Variants in SNAP91 observed in about 807,000 individuals in gnomAD.
SNAP91 encodes the protein synaptosome associated protein 91, also known as clathrin coat assembly protein AP180.
SNAP91 carries 27 observed loss-of-function variants against 100.3 expected under a neutral mutation model. The ratio of observed to expected loss-of-function variants is 0.27; its 90% CI spans 0.20 to 0.37. The LOEUF is 0.37. SNAP91 is among the 10% of genes least tolerant of loss of function. SNAP91 has a pLI of 1.00. For missense variants in SNAP91, 986 were observed against 1,123.7 expected (o/e 0.88, Z 1.75); for synonymous variants, 404 against 398.6 (o/e 1.01, Z -0.16).
At chr6:83,561,839 A>G (rs1192314019) in intron 26 of SNAP91, among the ~76,000 whole-genome samples, 1 of 152,184 alleles carries the variant, frequency 6.6e-6, no homozygotes, top group Admixed American at 6.6e-5. Context: ...CAACATAGCA[A>G]GAACCCATCT....
chr6:83,614,977 C>T, intron 10 of SNAP91, 115 bp from the exon 11 acceptor site: 1 of 753,432 alleles, frequency 1.3e-6, no homozygotes, highest in African/African-American at 1.8e-5. Context: ...TGGTTTTAGC[C>T]AATTCAGAAG....
At chr6:83,699,531 G>T (rs941282746) in intron 2 of SNAP91, among the ~76,000 whole-genome samples, 2 of 152,142 alleles carry the variant, frequency 1.3e-5, no homozygotes, top group Admixed American at 6.5e-5. Flanking sequence ...GGTATATTTA[G>T]ATTTATACGG....
At chr6:83,669,383 C>T (rs2098743424) in intron 2 of SNAP91, among the ~76,000 whole-genome samples, 1 of 151,934 alleles carries the variant, frequency 6.6e-6, no homozygotes, top group African/African-American at 2.4e-5. Flanking sequence ...ATTGTGAGAT[C>T]TAAATGCTAT....
intron 9 of SNAP91, among the ~76,000 whole-genome samples, chr6:83,620,970 T>C (rs2096699950): frequency 6.6e-6 from 1 of 152,034 alleles, no homozygotes; most frequent in Non-Finnish European, 1.5e-5. Flanking sequence ...CCCAAAGTGC[T>C]GGGATTACAG....
intron 22 of SNAP91, among the ~76,000 whole-genome samples, chr6:83,584,502 T>C (rs1359861754): frequency 2.0e-5 from 3 of 151,860 alleles, no homozygotes; most frequent in African/African-American, 7.3e-5. Flanking sequence ...ATAAAGCTGT[T>C]CACTGAAAAA....
chr6:83,628,649 G>A (rs899359642), intron 8 of SNAP91, among the ~76,000 whole-genome samples: 18 of 151,630 alleles, frequency 1.2e-4, no homozygotes, highest in African/African-American at 4.4e-4. Flanking sequence ...TCTTATGTCT[G>A]TTGGCCATTT....
chr6:83,680,595 C>T (rs1052164431), intron 2 of SNAP91, among the ~76,000 whole-genome samples: 4 of 152,056 alleles, frequency 2.6e-5, no homozygotes, highest in African/African-American at 9.7e-5. Flanking sequence ...ATTTTGCATA[C>T]CACTAAAAAG....
rs1254095970 is a variant in SNAP91, at chr6:83,682,872, A to G, written c.131-17291T>C. 3.3e-5 allele frequency among the ~76,000 whole-genome samples: 5 copies of G among 151,570 alleles called. No homozygotes were observed. In the East Asian group the frequency reaches 9.8e-4, roughly 30 times the overall value. On this transcript the variant is annotated intron_variant, in intron 2 of 29. Transcript: ENST00000369694. ...AAGATCCCTCTCTTATGCCTGTATT[A>G]TACTCTAGATTCCCTAATCTCACAC...
rs781718456 is a variant in SNAP91 at position 83,593,556 on chromosome 6, T to G, written c.1618A>C (p.Thr540Pro). 3.2e-6 allele frequency: 5 copies of G among 1,552,144 alleles called. No homozygotes were observed. Among genetic ancestry groups the G allele is most frequent in the Non-Finnish European group, 4.4e-6 (5 of 1,146,494 alleles). The change falls in exon 18 of 30, where the codon ACC becomes CCC. Residue 540 changes from threonine to proline, a missense_variant. Thr to Pro is a conservative substitution (Grantham distance 38). Around this residue, in one of 4 missense-constraint regions of SNAP91, gnomAD observed 575 missense variants for 579.9 expected, o/e 0.99. Transcript: ENST00000369694. ...GTGGTAGTGGTGGTGGCAGCGGCGG[T>G]GGCAGCAGTAGTGGCAGCAGCAGCA... ...AAAAAATTAA[T>P]AAATTTTTTS...
At chr6:83,614,746 G>T in intron 11 of SNAP91, 111 bp downstream of exon 11, 1 of 755,994 alleles carries the variant, frequency 1.3e-6, no homozygotes, top group Non-Finnish European at 2.1e-6. Context: ...TGTGTAAAAG[G>T]GACAGAAATC....
chr6:83,560,739 A>G (rs1785958758), intron 27 of SNAP91, 125 bp downstream of exon 27: 2 of 794,474 alleles, frequency 2.5e-6, no homozygotes, highest in African/African-American at 3.4e-5. Flanking sequence ...GCAGATGACA[A>G]CTTTTTAAGT....
At chr6:83,571,589 T>C (rs966720322) in intron 26 of SNAP91, among the ~76,000 whole-genome samples, 20 of 152,198 alleles carry the variant, frequency 1.3e-4, no homozygotes, top group African/African-American at 4.8e-4. Context: ...TGTACCCCCA[T>C]TGTATCTAGG....
intron 23 of SNAP91, among the ~76,000 whole-genome samples, chr6:83,581,392 C>T (rs560062340): frequency 1.3e-4 from 20 of 152,122 alleles, no homozygotes; most frequent in Non-Finnish European, 2.6e-4. Context: ...ATTGATGGCT[C>T]CTGATCACCA....
chr6:83,574,615 A>G (rs538080821), intron 26 of SNAP91, among the ~76,000 whole-genome samples: 1 of 152,192 alleles, frequency 6.6e-6, no homozygotes, highest in African/African-American at 2.4e-5. Flanking sequence ...ATGATCAATG[A>G]CATTAAGTGC....
rs754215487 is a variant in SNAP91, at chr6:83,556,150, T to A, written c.*3A>T. ...AAGCTCAATATTAGATACCTTAAAT[T>A]GTTTACAAGAAATCCTTGATGTTAA... On this transcript the variant is annotated 3_prime_UTR_variant, in exon 29 of 30. Transcript: ENST00000369694. 1 of 1,541,672 alleles carries A rather than the reference T, an allele frequency of 6.5e-7. No individual in the cohort carries two copies. The highest frequency in any genetic ancestry group is 1.2e-5 in the South Asian group (1 of 84,028).
At chr6:83,631,553 T>C (rs2097204807) in intron 8 of SNAP91, among the ~76,000 whole-genome samples, 1 of 152,170 alleles carries the variant, frequency 6.6e-6, no homozygotes, top group Non-Finnish European at 1.5e-5. Context: ...AGGATTGTAA[T>C]ATTTTCCTGT....
chr6:83,564,458 G>C (rs60538442), intron 26 of SNAP91, among the ~76,000 whole-genome samples: 12,760 of 151,524 alleles, frequency 0.084, 1,795 homozygotes, highest in African/African-American at 0.29. Context: ...TACTTCCCTG[G>C]ATCAAGCAAT....
At chr6:83,621,727 A>T (rs556820209) in intron 9 of SNAP91, among the ~76,000 whole-genome samples, 2 of 152,236 alleles carry the variant, frequency 1.3e-5, no homozygotes, top group South Asian at 4.1e-4. Context: ...TTCCTTTCAG[A>T]CTGCCCAAAC....
At chr6:83,617,171 G>T in intron 9 of SNAP91, 132 bp from the exon 10 acceptor site, 1 of 511,808 alleles carries the variant, frequency 2.0e-6, no homozygotes, top group Non-Finnish European at 3.4e-6. Flanking sequence ...TTTAATTGCA[G>T]GTTCTTTTAG....
Sources: gnomAD v4.1 joint callset for allele counts (sites outside exome capture counted in the v4.1 genomes callset) on GRCh38, gnomAD v4.1.1 for gene constraint, gnomAD v4.1.1 regional missense constraint, MANE v1.5 for transcripts, NCBI Gene and HGNC (gene_info 2026-07-23, HGNC 2026-07-21) for gene names.